The following EXOC6 variants were observed in gnomAD, a reference collection of about 807,000 sequenced individuals.
The protein encoded by EXOC6 is exocyst complex component 6.
EXOC6 carries 60 observed loss-of-function variants against 112.5 expected under a neutral mutation model. The ratio of observed to expected loss-of-function variants is 0.53; its 90% CI spans 0.43 to 0.66. The LOEUF (loss-of-function observed/expected upper bound fraction) is 0.66, where lower values mean the gene tolerates loss of function less well. EXOC6 is among the 30% of genes least tolerant of loss of function. EXOC6 has a pLI of 0.00. For missense variants in EXOC6, 855 were observed against 957.1 expected (o/e 0.89, Z 1.41); for synonymous variants, 295 against 308.0 (o/e 0.96, Z 0.44).
intron 2 of EXOC6, 133 bp from the exon 3 acceptor site, chr10:92,894,661 G>A: frequency 1.5e-6 from 1 of 664,286 alleles, no homozygotes; most frequent in South Asian, 2.1e-5. Flanking sequence ...AGTTCAAGCT[G>A]TAGAGTTAAT....
chr10:92,911,268 G>C (rs1683317690), intron 6 of EXOC6, among the ~76,000 whole-genome samples: 1 of 151,954 alleles, frequency 6.6e-6, no homozygotes, highest in African/African-American at 2.4e-5. Context: ...CTTTCTTACT[G>C]GTTGTCTCTG....
rs76841120 is a variant in EXOC6 at position 92,850,375 on chromosome 10, A to G, written c.101+1741A>G. 2.8e-3 allele frequency among the ~76,000 whole-genome samples: 433 copies of G among 152,268 alleles called. 2 individuals carry two copies. Among genetic ancestry groups the G allele is most frequent in the African/African-American group, 1.0e-2 (415 of 41,546 alleles). Reference sequence around the variant, plus strand: ...TGAACCCACTCTCTTTTCTTTAGCAATCCCTGGTGACTCATACTTATCCCA... The same window carrying G: ...TGAACCCACTCTCTTTTCTTTAGCAGTCCCTGGTGACTCATACTTATCCCA... On this transcript the variant is annotated intron_variant, in intron 1 of 21. Transcript: ENST00000260762.
rs751622287 is a variant in EXOC6 at position 93,058,900 on chromosome 10, C to G, written c.*545C>G. The stretch of plus-strand genomic sequence containing the variant: ...GCCTGAAATCAAACTTGATTTAACT[C>G]AGTAAGAATGTGAATTATTTGTTCT... On this transcript the variant is annotated 3_prime_UTR_variant, in exon 22 of 22. Transcript: ENST00000260762. 3.9e-5 allele frequency: 6 copies of G among 152,198 alleles called. No homozygotes were observed. The highest frequency in any genetic ancestry group is 5.9e-5 in the Non-Finnish European group (4 of 68,040). The allele number at this position is 152,198 out of a possible 1,614,324, so 9.4% of individuals were successfully genotyped here. A position where few individuals can be genotyped will look rare whatever the true frequency, so the allele number is the denominator to read the frequency against.
At chr10:93,054,544 A>G (rs1245622314) in intron 20 of EXOC6, among the ~76,000 whole-genome samples, 5 of 152,272 alleles carry the variant, frequency 3.3e-5, no homozygotes. Context: ...GGATTTGCAC[A>G]TAAGAGATTT....
intron 15 of EXOC6, 32 bp downstream of exon 15, chr10:92,952,414 C>G (rs1329837227): frequency 7.7e-7 from 1 of 1,302,270 alleles, no homozygotes; most frequent in Non-Finnish European, 1.1e-6. Flanking sequence ...GCATTTTTGT[C>G]ATAACTTTTA....
intron 19 of EXOC6, among the ~76,000 whole-genome samples, chr10:93,001,095 G>T (rs1843736280): frequency 6.6e-6 from 1 of 152,180 alleles, no homozygotes; most frequent in South Asian, 2.1e-4. Context: ...AGAAGAAAGG[G>T]AGGCAAGAAG....
intron 17 of EXOC6, among the ~76,000 whole-genome samples, chr10:92,959,859 C>T (rs1271399062): frequency 6.6e-6 from 1 of 152,154 alleles, no homozygotes; most frequent in Non-Finnish European, 1.5e-5. Context: ...AATGACAACA[C>T]CAAACGCTGA....
At chr10:92,973,918 C>A in intron 17 of EXOC6, 135 bp from the exon 18 acceptor site, 8 of 696,258 alleles carry the variant, frequency 1.1e-5, no homozygotes, top group East Asian at 3.2e-5. Context: ...AAAAAAAAAC[C>A]AACAGTTTTC....
At chr10:92,899,955 A>C (rs1353775778) in intron 5 of EXOC6, 2 of 237,718 alleles carry the variant, frequency 8.4e-6, no homozygotes, top group Non-Finnish European at 8.1e-6. Context: ...GGCTAAGTGC[A>C]TATTGTGGAA....
chr10:93,010,070 A>G (rs973089080), intron 19 of EXOC6, among the ~76,000 whole-genome samples: 2 of 152,230 alleles, frequency 1.3e-5, no homozygotes, highest in African/African-American at 4.8e-5. Flanking sequence ...TTTGGGAAGT[A>G]GAAACAACAA....
intron 17 of EXOC6, among the ~76,000 whole-genome samples, chr10:92,959,743 A>C (rs1298213182): frequency 6.6e-6 from 1 of 152,258 alleles, no homozygotes; most frequent in Non-Finnish European, 1.5e-5. Context: ...GAGATACCAG[A>C]TAAGCATATG....
rs184020813 is a variant in EXOC6, at chr10:93,035,855, C to T, written c.2170-21069C>T. Among the ~76,000 whole-genome samples, 532 of 152,012 alleles carry T rather than the reference C, an allele frequency of 3.5e-3. 4 individuals are homozygous for T. Among genetic ancestry groups the T allele is most frequent in the African/African-American group, 0.012 (510 of 41,454 alleles). On this transcript the variant is annotated intron_variant, in intron 20 of 21. Coordinates refer to ENST00000260762, the MANE Select transcript of EXOC6 (RefSeq NM_019053.6). ...GGATGACAGATCAAGACTCTGTCTC[C>T]AGAAAAACAGAAACGAAAACACAGG...
intron 18 of EXOC6, among the ~76,000 whole-genome samples, chr10:92,995,555 A>G (rs1439845626): frequency 6.6e-6 from 1 of 152,230 alleles, no homozygotes; most frequent in Non-Finnish European, 1.5e-5. Context: ...TCAAAATGAC[A>G]TTTCCATTAA....
At chr10:92,909,400 A>G in intron 5 of EXOC6, 27 bp from the exon 6 acceptor site, 1 of 1,495,418 alleles carries the variant, frequency 6.7e-7, no homozygotes, top group Non-Finnish European at 9.1e-7. Flanking sequence ...AACTTTTTAT[A>G]GAGTTTTCTT....
Position 92,915,761 on chromosome 10 carries a change from C to T in EXOC6, c.667C>T (p.Gln223Ter). The T allele has an allele frequency of 6.6e-7, 1 of 1,518,698 alleles. No homozygotes were observed. The highest frequency in any genetic ancestry group is 8.7e-7 in the Non-Finnish European group (1 of 1,145,150). The allele number at this position is 1,518,698 out of a possible 1,614,324, so 94.1% of individuals were successfully genotyped here. ...KIGETAMKQA[Q>*]HQKTFSVSLQ... ...AATTTCTCTCTCTTCAAAATAGGCA[C>T]AGCATCAGAAAACCTTCAGTGTTTC... The change falls in exon 7 of 22, where the codon CAG (glutamine) becomes TAG (stop). Residue 223 changes from glutamine to a stop codon, truncating the protein, a stop_gained. Coordinates refer to ENST00000260762, the MANE Select transcript of EXOC6 (RefSeq NM_019053.6). LOFTEE classifies it high-confidence loss of function.
intron 1 of EXOC6, among the ~76,000 whole-genome samples, chr10:92,888,611 A>G (rs1450681943): frequency 6.6e-6 from 1 of 152,208 alleles, no homozygotes; most frequent in Non-Finnish European, 1.5e-5. Flanking sequence ...TGATAATTGT[A>G]ATATAAAAAA....
intron 12 of EXOC6, among the ~76,000 whole-genome samples, 174 bp downstream of exon 12, chr10:92,936,059 C>A (rs1035331440): frequency 4.6e-5 from 7 of 152,130 alleles, no homozygotes; most frequent in Non-Finnish European, 8.8e-5. Context: ...ACTTCCTTTT[C>A]AATTATGAAG....
At chr10:92,847,835 C>CTT (rs3078184), upstream of EXOC6, among the ~76,000 whole-genome samples, 23,734 of 93,374 alleles carry the variant, frequency 0.25, 3,684 homozygotes, top group East Asian at 0.63. Flanking sequence ...CGCCCTGGGC[C>CTT]TTTTTTTTTT....
chr10:92,964,173 A>G (rs1269333957), intron 17 of EXOC6, among the ~76,000 whole-genome samples: 1 of 151,850 alleles, frequency 6.6e-6, no homozygotes, highest in African/African-American at 2.4e-5. Context: ...ACAAGAATAT[A>G]AAGAATAAAA....
Sources: allele counts gnomAD v4.1 joint callset (sites outside exome capture counted in the v4.1 genomes callset), GRCh38; gene constraint gnomAD v4.1.1; transcripts MANE v1.5; gene names NCBI Gene and HGNC (gene_info 2026-07-23, HGNC 2026-07-21).